VAX2: variants seen among roughly 807,000 people sequenced by gnomAD.
VAX2 encodes the protein ventral anterior homeobox 2.
Under a neutral mutation model 12.5 loss-of-function variants are expected in VAX2, and 8 were observed. That is an observed-to-expected ratio of 0.64 (90% CI 0.37 to 1.15). The LOEUF (loss-of-function observed/expected upper bound fraction) is 1.15, where lower values mean the gene tolerates loss of function less well. Ranked by LOEUF, VAX2 falls within the 50% of genes most tolerant of loss-of-function variation. The pLI is 0.01. For synonymous variants in VAX2, 183 were observed against 187.6 expected, an observed-to-expected ratio of 0.98 and a Z score of 0.20; for missense variants, 476 against 412.9, an observed-to-expected ratio of 1.15 and a Z score of -1.32.
At position 70,904,278 on chromosome 2, in the gene VAX2, GA is replaced by G. The variant is rs1553410245; in HGVS notation, c.247+3411del. Among the ~76,000 whole-genome samples the G allele has an allele frequency of 2.0e-5, 3 of 152,214 alleles. No individual in the cohort carries two copies. Reference sequence around the variant, plus strand: ...CAACCAAAGGAACAACAGGCCGCCTGAGCCGTGGCTCAAACAGCACAGGGCA... The same window carrying G: ...CAACCAAAGGAACAACAGGCCGCCTGGCCGTGGCTCAAACAGCACAGGGCA... On this transcript the variant is annotated intron_variant, in intron 1 of 2. Transcript: ENST00000234392. This position sits in a 1 kb window ranked among gnomAD's most constrained non-coding sequence, Gnocchi z 4.2.
Position 70,932,833 on chromosome 2 carries a change from C to A in VAX2, c.502C>A (p.Arg168=). Residue 168 remains arginine, a synonymous_variant, in exon 3 of 3, where the codon CGG becomes AGG. Coordinates refer to ENST00000234392, the MANE Select transcript of VAX2 (RefSeq NM_012476.3). ...AGACCAGAGCAGAGACCTGGAGAAG[C>A]GGGCGTCCTCCTCAGCCTCCGAGGC... ...KKDQSRDLEK[R]ASSSASEAFA... is the part of the protein sequence containing the mutation. The A allele has an allele frequency of 6.2e-7, 1 of 1,612,156 alleles. No homozygotes were observed.
Position 70,933,109 on chromosome 2 carries a change from G to A in VAX2, c.778G>A (p.Ala260Thr). Reference protein sequence around the residue: ...FSSAPLLDLPAGYELGSSAFE... With the variant: ...FSSAPLLDLPTGYELGSSAFE... Reference sequence around the variant, plus strand: ...CTCGGCCCCGCTCCTGGATCTGCCTGCCGGCTACGAACTGGGTTCCTCGGC... The same window carrying A: ...CTCGGCCCCGCTCCTGGATCTGCCTACCGGCTACGAACTGGGTTCCTCGGC... The change falls in exon 3 of 3, where the codon GCC (alanine) becomes ACC (threonine). Residue 260 changes from alanine to threonine, a missense_variant. By Grantham distance (58) the Ala-to-Thr change is moderately conservative (BLOSUM62 0). Transcript: ENST00000234392. 1 of 1,609,512 alleles carries A rather than the reference G, an allele frequency of 6.2e-7. No homozygotes were observed. The highest frequency in any genetic ancestry group is 8.5e-7 in the Non-Finnish European group (1 of 1,178,238).
intron 1 of VAX2, among the ~76,000 whole-genome samples, chr2:70,919,612 G>A (rs1330117038): frequency 6.6e-6 from 1 of 152,090 alleles, no homozygotes; most frequent in African/African-American, 2.4e-5. Context: ...AGGCTGAGGC[G>A]GGCAGATCAC....
In VAX2 at chr2:70,907,407, C is replaced by A. The variant is rs114335972; in HGVS notation, c.247+6539C>A. ...TGTGAGGTTCCACGGGCAAAGCCAGCCAGAGGGTTGACAGAAATAACTGGA... is the reference window on the plus strand; with the variant it reads ...TGTGAGGTTCCACGGGCAAAGCCAGACAGAGGGTTGACAGAAATAACTGGA... On this transcript the variant is annotated intron_variant, in intron 1 of 2. Transcript: ENST00000234392. Among the ~76,000 whole-genome samples the A allele has an allele frequency of 7.0e-3, 1,074 of 152,362 alleles. 9 individuals are homozygous for A. Among genetic ancestry groups the A allele is most frequent in the South Asian group, 0.026 (125 of 4,830 alleles).
At chr2:70,932,647 C>CA in intron 2 of VAX2, 120 bp from the exon 3 acceptor site, 1 of 167,696 alleles carries the variant, frequency 6.0e-6, no homozygotes, top group Non-Finnish European at 1.3e-5. Context: ...ACCCCACCCC[C>CA]ACCCCCATCC....
chr2:70,922,938 C>G (rs1443492285), intron 2 of VAX2, among the ~76,000 whole-genome samples: 2 of 152,208 alleles, frequency 1.3e-5, no homozygotes, highest in African/African-American at 4.8e-5. Context: ...CCAAGCCCCC[C>G]TCTTCCAGGA....
At chr2:70,914,859 C>A (rs1445577914) in intron 1 of VAX2, among the ~76,000 whole-genome samples, 1 of 148,198 alleles carries the variant, frequency 6.7e-6, no homozygotes. Flanking sequence ...TGGAGTGCAA[C>A]GGTGCGATCT....
At chr2:70,908,115 T>G (rs1679100139) in intron 1 of VAX2, among the ~76,000 whole-genome samples, 1 of 152,274 alleles carries the variant, frequency 6.6e-6, no homozygotes, top group Admixed American at 6.5e-5. Flanking sequence ...GCAGTGTAAT[T>G]ACTGCTTCGA....
At chr2:70,903,900 T>A (rs144904526) in intron 1 of VAX2, among the ~76,000 whole-genome samples, 25 of 152,306 alleles carry the variant, frequency 1.6e-4, no homozygotes, top group African/African-American at 5.5e-4. Context: ...GACCACACAG[T>A]GCAGCCCTCC....
At chr2:70,902,505 T>C (rs1553409918) in intron 1 of VAX2, among the ~76,000 whole-genome samples, 2 of 152,178 alleles carry the variant, frequency 1.3e-5, no homozygotes, top group East Asian at 3.8e-4. Context: ...GAGAAATCAG[T>C]CCTCCAATCC....
In VAX2 at chr2:70,917,437, T is replaced by C. The variant is rs114552829; in HGVS notation, c.248-3661T>C. 1.3e-3 allele frequency among the ~76,000 whole-genome samples: 197 copies of C among 152,280 alleles called. 1 individual carries two copies. Among genetic ancestry groups the C allele is most frequent in the African/African-American group, 4.0e-3 (165 of 41,550 alleles). On this transcript the variant is annotated intron_variant, in intron 1 of 2. Transcript: ENST00000234392. Reference sequence around the variant, plus strand: ...TAGGGTAAGTATATTTTTAACTCTTTAAGAAACTGCCTGGCTAGTAGTACC... The same window carrying C: ...TAGGGTAAGTATATTTTTAACTCTTCAAGAAACTGCCTGGCTAGTAGTACC...
Position 70,900,724 on chromosome 2 carries a change from C to A in VAX2, c.103C>A (p.Arg35=), listed in dbSNP as rs997568530. The A allele has an allele frequency of 1.1e-5, 15 of 1,409,398 alleles. No individual in the cohort carries two copies. The East Asian group carries it at 3.4e-4, about 32-fold the overall frequency. 87.3% of individuals were successfully genotyped at this position (1,409,398 alleles called of 1,614,324 possible). A position where few individuals can be genotyped will look rare whatever the true frequency, so the allele number is the denominator to read the frequency against. ...CGDRSGAGDL[R]ADGGGHSPTE... ...AGACCGCAGCGGAGCGGGGGACTTG[C>A]GAGCTGATGGCGGTGGCCACAGCCC... is the stretch of plus-strand genomic sequence containing the variant. Residue 35 remains arginine, a synonymous_variant, in exon 1 of 3, where the codon CGA becomes AGA. Transcript: ENST00000234392.
intron 1 of VAX2, among the ~76,000 whole-genome samples, chr2:70,909,520 T>C (rs1679137153): frequency 6.6e-6 from 1 of 152,190 alleles, no homozygotes; most frequent in Non-Finnish European, 1.5e-5. Flanking sequence ...TCATGTAAAA[T>C]TTAAAAGTTT....
intron 1 of VAX2, among the ~76,000 whole-genome samples, chr2:70,914,803 AT>A (rs34964280): frequency 0.22 from 30,302 of 140,380 alleles, 2,878 homozygotes; most frequent in East Asian, 0.46. Context: ...ATTTACTTAA[AT>A]TTTTTTTTTT....
intron 2 of VAX2, among the ~76,000 whole-genome samples, chr2:70,930,669 G>A (rs1408960574): frequency 1.3e-5 from 2 of 152,214 alleles, no homozygotes; most frequent in East Asian, 1.9e-4. Flanking sequence ...GTCTGGCATG[G>A]CCCAGGTGGC....
chr2:70,929,264 C>A (rs1233304139), intron 2 of VAX2, among the ~76,000 whole-genome samples: 2 of 152,246 alleles, frequency 1.3e-5, no homozygotes, highest in Non-Finnish European at 2.9e-5. Flanking sequence ...AACAGTCACC[C>A]CCCTCCTTCC....
chr2:70,915,419 G>A (rs1679288981), intron 1 of VAX2, among the ~76,000 whole-genome samples: 2 of 151,904 alleles, frequency 1.3e-5, no homozygotes, highest in South Asian at 4.2e-4. Flanking sequence ...TAGTAGAGAC[G>A]GAGTTTCGCC....
chr2:70,926,960 C>T (rs1277094663), intron 2 of VAX2, among the ~76,000 whole-genome samples: 2 of 152,180 alleles, frequency 1.3e-5, no homozygotes. Context: ...GGCTGTCTGA[C>T]CTCTGATTCT....
At chr2:70,928,855 T>C (rs116639828) in intron 2 of VAX2, among the ~76,000 whole-genome samples, 3,635 of 152,332 alleles carry the variant, frequency 0.024, 162 homozygotes, top group African/African-American at 0.082. Flanking sequence ...GGGCCAGGCG[T>C]GATGCCAAGC....
Sources: allele counts gnomAD v4.1 joint callset (sites outside exome capture counted in the v4.1 genomes callset), GRCh38; gene constraint gnomAD v4.1.1; non-coding constraint Gnocchi (gnomAD v3.1); transcripts MANE v1.5; gene names NCBI Gene and HGNC (gene_info 2026-07-23, HGNC 2026-07-21).